Variants in COL26A1 observed in about 807,000 individuals in gnomAD.
COL26A1 encodes the protein collagen type XXVI alpha 1 chain.
In COL26A1, 41 loss-of-function variants were observed where a neutral mutation model predicts 59.3. That is an observed-to-expected ratio of 0.69 (90% CI 0.54 to 0.90). COL26A1 has a LOEUF of 0.90. Among genes scored for constraint, COL26A1 ranks in the 40% least tolerant of loss-of-function variants. The probability of loss-of-function intolerance (pLI) is 0.00; values close to 1 mark genes in which losing one functional copy is unlikely to be tolerated. For missense variants in COL26A1, 612 were observed against 602.3 expected, an observed-to-expected ratio of 1.02 and a Z score of -0.17; for synonymous variants, 266 against 256.0, an observed-to-expected ratio of 1.04 and a Z score of -0.37.
At chr7:101,501,780 CTG>C (rs1794711524) in intron 3 of COL26A1, among the ~76,000 whole-genome samples, 1 of 152,198 alleles carries the variant, frequency 6.6e-6, no homozygotes, top group African/African-American at 2.4e-5. Context: ...GCGCCATGGG[CTG>C]TGTGTGTACA....
intron 2 of COL26A1, among the ~76,000 whole-genome samples, chr7:101,442,914 TGA>T (rs1234806364): frequency 3.3e-5 from 5 of 151,184 alleles, no homozygotes; most frequent in East Asian, 1.9e-4. Context: ...CACACGAGTG[TGA>T]GAGAGCAAAT....
At chr7:101,377,804 C>T (rs1290480936) in intron 1 of COL26A1, among the ~76,000 whole-genome samples, 3 of 152,170 alleles carry the variant, frequency 2.0e-5, no homozygotes, top group Admixed American at 6.6e-5. Context: ...GTGAACAAAA[C>T]AAAATAGGTT....
At chr7:101,387,778 A>ATATATATATTTTTT (rs773025730) in intron 1 of COL26A1, among the ~76,000 whole-genome samples, 2 of 84,810 alleles carry the variant, frequency 2.4e-5, no homozygotes, top group African/African-American at 9.9e-5. Flanking sequence ...ATATATATAT[A>ATATATATATTTTTT]TTTTTTTTTA....
At chr7:101,397,798 A>AGT in intron 1 of COL26A1, among the ~76,000 whole-genome samples, 1 of 152,138 alleles carries the variant, frequency 6.6e-6, no homozygotes, top group Non-Finnish European at 1.5e-5. Flanking sequence ...TCAGCCCCCC[A>AGT]AGGTGCTGGG....
chr7:101,410,624 C>T lies in COL26A1; in HGVS notation c.159-9353C>T, dbSNP rs564230240. Among the ~76,000 whole-genome samples the T allele has an allele frequency of 3.7e-4, 56 of 152,270 alleles. No individual in the cohort carries two copies. In the South Asian group the frequency reaches 9.3e-3, roughly 25 times the overall value. On this transcript the variant is annotated intron_variant, in intron 1 of 12. Coordinates refer to ENST00000313669, the MANE Select transcript of COL26A1 (RefSeq NM_001278563.3). ...AGTTCTCCCGGGTTCAAGAGATTCT[C>T]CTGCCTCAGCCTCCTGAGTAGCTGG...
chr7:101,432,025 A>G (rs1472413930), intron 2 of COL26A1, among the ~76,000 whole-genome samples: 1 of 150,730 alleles, frequency 6.6e-6, no homozygotes, highest in East Asian at 2.0e-4. Flanking sequence ...TGTGAGTGCA[A>G]TCTTGGCTCA....
chr7:101,445,621 G>A (rs1361523822), intron 2 of COL26A1, among the ~76,000 whole-genome samples: 18 of 150,812 alleles, frequency 1.2e-4, no homozygotes, highest in Non-Finnish European at 1.9e-4. Flanking sequence ...AGTCCCAGCT[G>A]CTTGGGAGGC....
chr7:101,508,147 C>T (rs1339603860), intron 3 of COL26A1, among the ~76,000 whole-genome samples: 1 of 152,176 alleles, frequency 6.6e-6, no homozygotes, highest in African/African-American at 2.4e-5. Context: ...GTTTGAGGCT[C>T]TCCAAACACA....
chr7:101,552,775 C>T (rs1427360513), intron 10 of COL26A1, among the ~76,000 whole-genome samples: 2 of 151,710 alleles, frequency 1.3e-5, no homozygotes, highest in Admixed American at 6.6e-5. Flanking sequence ...GACATGGTGG[C>T]GCATGCCTGT....
chr7:101,415,057 A>G (rs993112174), intron 1 of COL26A1, among the ~76,000 whole-genome samples: 2 of 152,138 alleles, frequency 1.3e-5, no homozygotes, highest in Non-Finnish European at 2.9e-5. Flanking sequence ...GGTTTAAGTA[A>G]CCAGTTGATT....
Position 101,551,074 on chromosome 7 carries a change from G to T in COL26A1, c.994-34G>T, listed in dbSNP as rs755683903. ...GGCACTGGAGACTTGGCCAGGACCG[G>T]CAGGCCTCACACGCTTCCTTTGGTT... On this transcript the variant is annotated intron_variant, in intron 9 of 12. Coordinates refer to ENST00000313669, the MANE Select transcript of COL26A1 (RefSeq NM_001278563.3). 8 of 1,551,740 alleles carry T rather than the reference G, an allele frequency of 5.2e-6. No individual in the cohort carries two copies. The Admixed American group carries it at 5.9e-5, about 11-fold the overall frequency.
intron 1 of COL26A1, among the ~76,000 whole-genome samples, chr7:101,383,397 A>T (rs936960700): frequency 2.7e-5 from 4 of 150,616 alleles, no homozygotes; most frequent in African/African-American, 9.8e-5. Context: ...ATGGAGTTTC[A>T]CTTTTGTTGC....
intron 1 of COL26A1, among the ~76,000 whole-genome samples, chr7:101,403,159 A>G (rs1292736748): frequency 6.6e-6 from 1 of 152,132 alleles, no homozygotes; most frequent in Non-Finnish European, 1.5e-5. Flanking sequence ...AGTCTTAATA[A>G]TTCTCCATTC....
chr7:101,550,612 G>C (rs1216477766), intron 9 of COL26A1, among the ~76,000 whole-genome samples: 1 of 152,158 alleles, frequency 6.6e-6, no homozygotes, highest in Non-Finnish European at 1.5e-5. Flanking sequence ...GACCAGGGAG[G>C]CATTTCCTGA....
chr7:101,407,920 C>T (rs1315161816), intron 1 of COL26A1, among the ~76,000 whole-genome samples: 6 of 152,110 alleles, frequency 3.9e-5, no homozygotes, highest in African/African-American at 1.4e-4. Flanking sequence ...AATTTGCATA[C>T]CATTAAGATG....
intron 2 of COL26A1, among the ~76,000 whole-genome samples, chr7:101,422,372 G>GA (rs3072484): frequency 0.012 from 851 of 72,948 alleles, 10 homozygotes; most frequent in Non-Finnish European, 0.016. Flanking sequence ...GGTCCAAAAT[G>GA]AAAAAAAAAA....
At chr7:101,496,834 C>T (rs1039006882) in intron 3 of COL26A1, among the ~76,000 whole-genome samples, 3 of 148,316 alleles carry the variant, frequency 2.0e-5, no homozygotes, top group Admixed American at 1.3e-4. Context: ...TGCAGTGAGC[C>T]GAGATAGTGC....
At chr7:101,463,828 TCC>T (rs1339626853) in intron 3 of COL26A1, among the ~76,000 whole-genome samples, 1 of 126,530 alleles carries the variant, frequency 7.9e-6, no homozygotes, top group African/African-American at 2.9e-5. Context: ...CTCCCTTCCT[TCC>T]TCCTTCCTTC....
chr7:101,537,734 G>A (rs954551447), intron 4 of COL26A1, among the ~76,000 whole-genome samples: 2 of 152,178 alleles, frequency 1.3e-5, no homozygotes, highest in South Asian at 4.1e-4. Flanking sequence ...GAACACTAGA[G>A]GTTGCCTGTA....
Sources: allele counts gnomAD v4.1 joint callset (sites outside exome capture counted in the v4.1 genomes callset), GRCh38; gene constraint gnomAD v4.1.1; transcripts MANE v1.5; gene names NCBI Gene and HGNC (gene_info 2026-07-23, HGNC 2026-07-21).